Variants in ZAN observed in about 807,000 individuals in gnomAD.
The protein encoded by ZAN is zonadhesin (gene/pseudogene).
A neutral mutation model predicts 286.2 loss-of-function variants in ZAN; 260 were observed. That is an observed-to-expected ratio of 0.91 (90% CI 0.82 to 1.01). The LOEUF is 1.01. Among genes scored for constraint, ZAN ranks in the 50% least tolerant of loss-of-function variants. The pLI, the probability that ZAN is intolerant of heterozygous loss-of-function variation, is 0.00. For missense variants in ZAN, 3,410 were observed against 3,639.2 expected, an observed-to-expected ratio of 0.94 and a Z score of 1.62; for synonymous variants, 1,368 against 1,417.5, an observed-to-expected ratio of 0.97 and a Z score of 0.79.
At position 100,784,625 on chromosome 7, in the gene ZAN, C is replaced by T. The variant is rs569285270; in HGVS notation, c.6625C>T (p.Leu2209=). ...PLWRNSSFCP[L]ECPAYSSYTN... is the part of the protein sequence containing the mutation. ...CCCACTGTCTCCTTCACCCACAGCT[C>T]TGGAATGCCCTGCCTACAGCAGCTA... The change falls in exon 36 of 48, where the codon CTG becomes TTG. Residue 2209 remains leucine (L), a splice_region_variant and synonymous_variant. Transcript: ENST00000613979. 2.0e-5 allele frequency: 32 copies of T among 1,613,570 alleles called. No homozygotes were observed. The highest frequency in any genetic ancestry group is 2.7e-5 in the Non-Finnish European group (32 of 1,179,862).
In ZAN at chr7:100,760,416, C is replaced by T. The variant is rs773683487; in HGVS notation, c.3722C>T (p.Pro1241Leu). The T allele has an allele frequency of 1.9e-6, 3 of 1,613,914 alleles. No individual in the cohort carries two copies. Among genetic ancestry groups the T allele is most frequent in the Non-Finnish European group, 2.5e-6 (3 of 1,179,868 alleles). Reference protein sequence around the residue: ...TLVGGQQVTLPAIPSKGVFLG... With the variant: ...TLVGGQQVTLLAIPSKGVFLG... ...GTTGGGGGTCAGCAAGTTACTCTCC[C>T]AGCCATACCCTCTAAAGGCGTCTTC... Residue 1241 changes from proline to leucine, a missense_variant, in exon 19 of 48, where the codon CCA (proline) becomes CTA (leucine). By Grantham distance (98) the Pro-to-Leu change is moderately conservative. Transcript: ENST00000613979.
At chr7:100,784,340 G>A (rs988089698) in intron 35 of ZAN, among the ~76,000 whole-genome samples, 2 of 151,866 alleles carry the variant, frequency 1.3e-5, no homozygotes, top group Non-Finnish European at 2.9e-5. Flanking sequence ...ATGATGGCCA[G>A]GATGGTCTCG....
chr7:100,790,053 A>G (rs1811835711), intron 39 of ZAN, among the ~76,000 whole-genome samples: 2 of 151,176 alleles, frequency 1.3e-5, no homozygotes, highest in African/African-American at 4.9e-5. Flanking sequence ...GAGGCCAGGC[A>G]TTCGAGACCA....
At chr7:100,749,580 CA>C (rs1292800694) in intron 11 of ZAN, among the ~76,000 whole-genome samples, 2 of 146,788 alleles carry the variant, frequency 1.4e-5, no homozygotes, top group Admixed American at 6.9e-5. Flanking sequence ...GCAGAGCTTG[CA>C]GTGAGCCGAG....
intron 14 of ZAN, among the ~76,000 whole-genome samples, chr7:100,753,518 C>T (rs552520297): frequency 4.6e-5 from 7 of 152,122 alleles, no homozygotes; most frequent in African/African-American, 1.7e-4. Flanking sequence ...ATAAAATTCA[C>T]CCTTTTAAAG....
At chr7:100,768,462 A>G in intron 26 of ZAN, 148 bp from the exon 27 acceptor site, 1 of 688,980 alleles carries the variant, frequency 1.5e-6, no homozygotes, top group Admixed American at 3.0e-5. Flanking sequence ...TCAGAGCAAG[A>G]CTCCATCTCA....
intron 11 of ZAN, among the ~76,000 whole-genome samples, chr7:100,749,510 G>A (rs1392125718): frequency 4.8e-5 from 7 of 146,996 alleles, no homozygotes; most frequent in Non-Finnish European, 9.0e-5. Flanking sequence ...CATGGTGGTG[G>A]GCGCCTGTAG....
chr7:100,734,490 G>A (rs1807165658), intron 2 of ZAN, among the ~76,000 whole-genome samples: 1 of 139,788 alleles, frequency 7.2e-6, no homozygotes. Context: ...GTGGTGGTGT[G>A]CACCTGTAGT....
At position 100,767,985 on chromosome 7, in the gene ZAN, A is replaced by G. The variant is rs1810116766; in HGVS notation, c.5015A>G (p.Tyr1672Cys). 3 of 1,613,442 alleles carry G rather than the reference A, an allele frequency of 1.9e-6. No individual in the cohort carries two copies. Among genetic ancestry groups the G allele is most frequent in the African/African-American group, 1.3e-5 (1 of 74,906 alleles). Residue 1672 changes from tyrosine (Y) to cysteine (C), a missense_variant, in exon 26 of 48, where the codon TAT (tyrosine) becomes TGT (cysteine). Tyr to Cys is a radical substitution (Grantham distance 194, BLOSUM62 -2). Around this residue, in one of 7 missense-constraint regions of ZAN, gnomAD observed 1,042 missense variants for 1,058.0 expected, o/e 0.98. Coordinates refer to ENST00000613979, the MANE Select transcript of ZAN (RefSeq NM_003386.3). ...HLVEVTVPSS[Y>C]GGQLCGLCGN... ...GTGGAAGTGACAGTCCCCTCCTCCTATGGCGGCCAGCTCTGTGGGCTGTGT... is the reference window on the plus strand; with the variant it reads ...GTGGAAGTGACAGTCCCCTCCTCCTGTGGCGGCCAGCTCTGTGGGCTGTGT...
intron 6 of ZAN, 89 bp downstream of exon 6, chr7:100,737,438 G>A (rs1198375040): frequency 3.1e-6 from 3 of 965,098 alleles, no homozygotes; most frequent in Non-Finnish European, 4.5e-6. Context: ...CGGGCGCGGT[G>A]GCTCATGCCT....
At position 100,744,334 on chromosome 7, in the gene ZAN, C is replaced by T. The variant is rs1003838198; in HGVS notation, c.767-2204C>T. Reference sequence around the variant, plus strand: ...AGGGCCCTGGCCAGGCGTGGTGGCTCATGCCTGTAATCCCAGCACTTTGGG... The same window carrying T: ...AGGGCCCTGGCCAGGCGTGGTGGCTTATGCCTGTAATCCCAGCACTTTGGG... On this transcript the variant is annotated intron_variant, in intron 7 of 47. Coordinates refer to ENST00000613979, the MANE Select transcript of ZAN (RefSeq NM_003386.3). Among the ~76,000 whole-genome samples, 34 of 151,120 alleles carry T rather than the reference C, an allele frequency of 2.2e-4. 3 individuals are homozygous for T. Among genetic ancestry groups the T allele is most frequent in the South Asian group, 2.1e-4 (1 of 4,808 alleles).
chr7:100,768,417 A>G (rs1456538903), intron 26 of ZAN, among the ~76,000 whole-genome samples, 193 bp from the exon 27 acceptor site: 1 of 152,190 alleles, frequency 6.6e-6, no homozygotes, highest in African/African-American at 2.4e-5. Context: ...CGTTGCAGTG[A>G]GCTGAGATCG....
chr7:100,757,331 G>A (rs549068819), intron 15 of ZAN, among the ~76,000 whole-genome samples: 3 of 152,074 alleles, frequency 2.0e-5, no homozygotes, highest in Non-Finnish European at 2.9e-5. Context: ...GGGTCGCCAC[G>A]AATAGGCTGT....
At chr7:100,749,829 T>A (rs1370794262) in intron 11 of ZAN, among the ~76,000 whole-genome samples, 1 of 150,528 alleles carries the variant, frequency 6.6e-6, no homozygotes, top group Non-Finnish European at 1.5e-5. Flanking sequence ...GACGGGTGGA[T>A]CACTTGAGGC....
Position 100,748,480 on chromosome 7 carries a change from T to C in ZAN, c.1249+10T>C. ...GGTTTCCCTAATGCAGGTGAGGAGATTGAGGAGCGCTCACGCCAAGAAATC... is the reference window on the plus strand; with the variant it reads ...GGTTTCCCTAATGCAGGTGAGGAGACTGAGGAGCGCTCACGCCAAGAAATC... On this transcript the variant is annotated intron_variant, in intron 11 of 47. Coordinates refer to ENST00000613979, the MANE Select transcript of ZAN (RefSeq NM_003386.3). The C allele has an allele frequency of 6.2e-7, 1 of 1,606,348 alleles. No individual in the cohort carries two copies. Among genetic ancestry groups the C allele is most frequent in the Non-Finnish European group, 8.5e-7 (1 of 1,176,394 alleles).
chr7:100,773,544 G>A, intron 30 of ZAN, 51 bp downstream of exon 30: 1 of 1,597,098 alleles, frequency 6.3e-7, no homozygotes, highest in East Asian at 2.2e-5. Context: ...CACATGTTTG[G>A]GGTCAGGGCA....
chr7:100,761,348 T>A (rs1429967290), intron 19 of ZAN, among the ~76,000 whole-genome samples: 2 of 151,592 alleles, frequency 1.3e-5, no homozygotes, highest in African/African-American at 4.9e-5. Context: ...CACAAAAAAA[T>A]TTAAATATTA....
chr7:100,751,567 G>A (rs1808665745), intron 13 of ZAN, 145 bp from the exon 14 acceptor site: 2 of 876,054 alleles, frequency 2.3e-6, no homozygotes, highest in African/African-American at 1.7e-5. Flanking sequence ...ATTAGTGTTC[G>A]TTGAGTGGAT....
Position 100,775,799 on chromosome 7 carries a change from T to TAGAG in ZAN, c.6160_6163dup (p.Ile2055ArgfsTer3), listed in dbSNP as rs762638580. ...GTCAAGTTTGACGGGAATCATCTCT[T>TAGAG]AGAGATTGAAATCCCCACAACCTAC... is the stretch of plus-strand genomic sequence containing the variant. On this transcript the variant is annotated frameshift_variant, in exon 33 of 48. Coordinates refer to ENST00000613979, the MANE Select transcript of ZAN (RefSeq NM_003386.3). LOFTEE classifies it high-confidence loss of function. The TAGAG allele has an allele frequency of 6.2e-7, 1 of 1,613,800 alleles. No homozygotes were observed. The highest frequency in any genetic ancestry group is 1.1e-5 in the South Asian group (1 of 91,084).
Sources: allele counts gnomAD v4.1 joint callset (sites outside exome capture counted in the v4.1 genomes callset), GRCh38; gene constraint gnomAD v4.1.1; regional missense constraint gnomAD v4.1.1; transcripts MANE v1.5; gene names NCBI Gene and HGNC (gene_info 2026-07-23, HGNC 2026-07-21).